Variants in NEURL1 observed in about 807,000 individuals in gnomAD.
NEURL1 encodes the protein E3 ubiquitin-protein ligase NEURL1.
In NEURL1, 26 loss-of-function variants were observed where a neutral mutation model predicts 41.2. The ratio of observed to expected loss-of-function variants is 0.63; its 90% confidence interval spans 0.46 to 0.87. The LOEUF is 0.87. Ranked by LOEUF, NEURL1 falls within the 40% of genes least tolerant of loss-of-function variation. The pLI is 0.00. For missense variants in NEURL1, 761 were observed against 871.1 expected (o/e 0.87, Z 1.59); for synonymous variants, 400 against 402.3 (o/e 0.99, Z 0.07).
chr10:103,494,243 G>C lies in NEURL1; in HGVS notation c.-145G>C. On this transcript the variant is annotated 5_prime_UTR_variant, in exon 1 of 6. Coordinates refer to ENST00000369780, the MANE Select transcript of NEURL1 (RefSeq NM_004210.5). ...AAGTCCAGAGAAAGGAAGCTGAGGA[G>C]CTGCCCGCCCGCCCCCGGCTGCAGC... 3.4e-6 allele frequency: 2 copies of C among 589,940 alleles called. No homozygotes were observed. Among genetic ancestry groups the C allele is most frequent in the Non-Finnish European group, 5.7e-6 (2 of 349,886 alleles). The allele number at this position is 589,940 out of a possible 1,614,324, so 36.5% of individuals were successfully genotyped here. A position where few individuals can be genotyped will look rare whatever the true frequency, so the allele number is the denominator to read the frequency against.
chr10:103,537,748 A>G (rs2034724820), intron 1 of NEURL1, among the ~76,000 whole-genome samples: 1 of 152,180 alleles, frequency 6.6e-6, no homozygotes, highest in African/African-American at 2.4e-5. Flanking sequence ...ATAACTGACA[A>G]AAATATACTG....
At chr10:103,560,013 G>A (rs965277053) in intron 1 of NEURL1, among the ~76,000 whole-genome samples, 1 of 151,476 alleles carries the variant, frequency 6.6e-6, no homozygotes, top group Non-Finnish European at 1.5e-5. Flanking sequence ...ACGCACACAT[G>A]CACACATACA....
intron 1 of NEURL1, among the ~76,000 whole-genome samples, chr10:103,496,761 C>T (rs1045397543): frequency 3.3e-5 from 5 of 152,206 alleles, no homozygotes; most frequent in African/African-American, 1.2e-4. Context: ...TGGCCCTGTC[C>T]TTCAGGGGGC....
chr10:103,506,498 G>A (rs536899145), intron 1 of NEURL1, among the ~76,000 whole-genome samples: 3 of 152,120 alleles, frequency 2.0e-5, no homozygotes, highest in South Asian at 2.1e-4. Context: ...CAATTCAGTC[G>A]GTCCTTATTG....
intron 1 of NEURL1, among the ~76,000 whole-genome samples, chr10:103,561,428 A>AT (rs910791750): frequency 6.6e-6 from 1 of 151,834 alleles, no homozygotes; most frequent in Non-Finnish European, 1.5e-5. Context: ...TACCTGGCTA[A>AT]TTTTTTTGTA....
intron 2 of NEURL1, 142 bp downstream of exon 2, chr10:103,571,255 T>G: frequency 1.1e-6 from 1 of 947,534 alleles, no homozygotes; most frequent in Non-Finnish European, 1.6e-6. Flanking sequence ...TCCTCTCTGG[T>G]GACCCTCTTC....
chr10:103,531,281 C>A (rs1259034545), intron 1 of NEURL1, among the ~76,000 whole-genome samples: 1 of 152,126 alleles, frequency 6.6e-6, no homozygotes, highest in East Asian at 1.9e-4. Context: ...TTACATAGTG[C>A]AGTTTAAATT....
intron 1 of NEURL1, among the ~76,000 whole-genome samples, chr10:103,562,616 C>G (rs11191727): frequency 6.6e-6 from 1 of 152,016 alleles, no homozygotes; most frequent in South Asian, 2.1e-4. Context: ...ACAAGTGCCT[C>G]GGGGTATCTG....
rs1207638703 is a variant in NEURL1, at chr10:103,585,196, A to T, written c.1310A>T (p.His437Leu). Residue 437 changes from histidine to leucine, a missense_variant, in exon 4 of 6, where the codon CAC becomes CTC. Transcript: ENST00000369780. Reference protein sequence around the residue: ...SQPLWMLFGLHGTITQIRILG... With the variant: ...SQPLWMLFGLLGTITQIRILG... ...CCGCTTTGGATGCTCTTCGGCCTGC[A>T]CGGGACCATCACGCAGATCCGCATC... 6.4e-7 allele frequency: 1 copy of T among 1,569,910 alleles called. No individual in the cohort carries two copies. The highest frequency in any genetic ancestry group is 1.2e-5 in the South Asian group (1 of 86,048).
chr10:103,499,953 G>A (rs947805444), intron 1 of NEURL1, among the ~76,000 whole-genome samples: 1 of 152,168 alleles, frequency 6.6e-6, no homozygotes, highest in Non-Finnish European at 1.5e-5. Context: ...GATATTCAAG[G>A]TCTCCATTCT....
intron 1 of NEURL1, among the ~76,000 whole-genome samples, chr10:103,503,338 G>T (rs2033868488): frequency 6.6e-6 from 1 of 152,170 alleles, no homozygotes; most frequent in Admixed American, 6.5e-5. Context: ...GGGGTAAGAG[G>T]GCAGAACTTA....
At chr10:103,539,387 C>G (rs554694608) in intron 1 of NEURL1, among the ~76,000 whole-genome samples, 32 of 152,250 alleles carry the variant, frequency 2.1e-4, no homozygotes, top group African/African-American at 7.0e-4. Context: ...TCTGGATTCT[C>G]TATTAGATAT....
At chr10:103,565,461 C>T (rs923051727) in intron 1 of NEURL1, among the ~76,000 whole-genome samples, 1 of 152,140 alleles carries the variant, frequency 6.6e-6, no homozygotes, top group African/African-American at 2.4e-5. Context: ...CGTTCTGTTT[C>T]ACAGCTGTGG....
Position 103,560,155 on chromosome 10 carries a change from G to A in NEURL1, c.86-10717G>A, listed in dbSNP as rs183616161. 2.4e-3 allele frequency among the ~76,000 whole-genome samples: 365 copies of A among 152,216 alleles called. 1 individual carries two copies. The highest frequency in any genetic ancestry group is 7.2e-3 in the African/African-American group (298 of 41,518). Reference sequence around the variant, plus strand: ...GCCATGAGGCACACGTGCCATCTGTGTGTGTGCACGCATGTACACATGCAT... The same window carrying A: ...GCCATGAGGCACACGTGCCATCTGTATGTGTGCACGCATGTACACATGCAT... On this transcript the variant is annotated intron_variant, in intron 1 of 5. Transcript: ENST00000369780.
chr10:103,583,705 C>CAAAAAA (rs1228630032), intron 3 of NEURL1, among the ~76,000 whole-genome samples: 2 of 19,560 alleles, frequency 1.0e-4, no homozygotes, highest in African/African-American at 1.9e-4. Flanking sequence ...GATCCTGTCT[C>CAAAAAA]AAAAAAAAAA....
intron 1 of NEURL1, among the ~76,000 whole-genome samples, chr10:103,550,308 A>G (rs2035008694): frequency 1.3e-5 from 2 of 152,136 alleles, no homozygotes; most frequent in African/African-American, 4.8e-5. Flanking sequence ...AGGGACAGCT[A>G]TAGTAGTGGG....
At chr10:103,570,192 C>T (rs1245076953) in intron 1 of NEURL1, among the ~76,000 whole-genome samples, 3 of 152,222 alleles carry the variant, frequency 2.0e-5, no homozygotes, top group Non-Finnish European at 4.4e-5. Context: ...CCCACGATGA[C>T]AGGATGGGCG....
intron 1 of NEURL1, among the ~76,000 whole-genome samples, chr10:103,501,532 G>A (rs896185765): frequency 1.3e-5 from 2 of 152,018 alleles, no homozygotes; most frequent in African/African-American, 4.8e-5. Context: ...TTTTTAAGAA[G>A]CCCAAGTTCT....
intron 1 of NEURL1, among the ~76,000 whole-genome samples, chr10:103,531,440 A>G (rs144871033): frequency 6.6e-6 from 1 of 151,910 alleles, no homozygotes; most frequent in African/African-American, 2.4e-5. Flanking sequence ...GAGTCTTGCT[A>G]TGTTGCCCAG....
Sources: gnomAD v4.1 joint callset for allele counts (sites outside exome capture counted in the v4.1 genomes callset) on GRCh38, gnomAD v4.1.1 for gene constraint, MANE v1.5 for transcripts, NCBI Gene and HGNC (gene_info 2026-07-23, HGNC 2026-07-21) for gene names.